Variants in CCDC171 observed in about 807,000 individuals in gnomAD.
CCDC171 encodes coiled-coil domain-containing protein 171.
In CCDC171, 177 loss-of-function variants were observed where a neutral mutation model predicts 168.2. The ratio of observed to expected loss-of-function variants is 1.05; its 90% confidence interval spans 0.93 to 1.19. CCDC171 has a LOEUF of 1.19. Ranked by LOEUF, CCDC171 falls within the 50% of genes most tolerant of loss-of-function variation. CCDC171 has a pLI of 0.00. For missense variants in CCDC171, 1,991 were observed against 1,539.0 expected (o/e 1.29, Z -4.91); for synonymous variants, 687 against 540.8 (o/e 1.27, Z -3.75).
At chr9:16,062,044 T>A (rs1490663112), downstream of CCDC171, among the ~76,000 whole-genome samples, 1 of 152,178 alleles carries the variant, frequency 6.6e-6, no homozygotes, top group Non-Finnish European at 1.5e-5. Context: ...TTCACTGTCT[T>A]CATTTTAACA....
intron 23 of CCDC171, among the ~76,000 whole-genome samples, chr9:15,871,607 A>G (rs949507820): frequency 6.6e-6 from 1 of 152,002 alleles, no homozygotes; most frequent in East Asian, 1.9e-4. Context: ...GAAATTCCAA[A>G]TTATCTCTCT....
At chr9:16,011,868 A>T (rs1433521474) in intron 3 of CCDC171, among the ~76,000 whole-genome samples, 2 of 152,218 alleles carry the variant, frequency 1.3e-5, no homozygotes, top group African/African-American at 4.8e-5. Context: ...CCTGCTCATC[A>T]GTCAGAAGAT....
chr9:15,615,064 T>C (rs2043983173), intron 6 of CCDC171, among the ~76,000 whole-genome samples: 1 of 152,144 alleles, frequency 6.6e-6, no homozygotes, highest in South Asian at 2.1e-4. Flanking sequence ...CTGACAAGGA[T>C]AGAAGAAAAG....
intron 18 of CCDC171, among the ~76,000 whole-genome samples, chr9:15,746,247 G>A (rs2055269456): frequency 6.6e-6 from 1 of 152,130 alleles, no homozygotes; most frequent in South Asian, 2.1e-4. Context: ...CACATTAATT[G>A]TTAAAATTGT....
chr9:15,955,825 A>G (rs1191667561), intron 25 of CCDC171, among the ~76,000 whole-genome samples: 2 of 152,164 alleles, frequency 1.3e-5, no homozygotes, highest in African/African-American at 4.8e-5. Flanking sequence ...TCAGGGACTT[A>G]TAGCTTTAGT....
chr9:15,955,769 C>G (rs945714019), intron 25 of CCDC171, among the ~76,000 whole-genome samples: 10 of 152,064 alleles, frequency 6.6e-5, no homozygotes, highest in Admixed American at 5.9e-4. Context: ...CCTTGCTGCA[C>G]TATATTATAT....
intron 2 of CCDC171, among the ~76,000 whole-genome samples, chr9:15,569,252 T>A (rs2040005018): frequency 6.6e-6 from 1 of 152,156 alleles, no homozygotes; most frequent in South Asian, 2.1e-4. Context: ...GTGCAGTGGT[T>A]AAGAGGATAT....
chr9:16,090,187 T>C, the CCDC171 span, among the ~76,000 whole-genome samples: 1 of 152,138 alleles, frequency 6.6e-6, no homozygotes. Context: ...CCATCAATGA[T>C]AGAATGGATA....
intron 21 of CCDC171, among the ~76,000 whole-genome samples, chr9:15,800,243 A>G (rs2058755015): frequency 6.6e-6 from 1 of 152,058 alleles, no homozygotes; most frequent in African/African-American, 2.4e-5. Context: ...ACAGCATACA[A>G]AGGTTCTTTT....
chr9:15,771,728 G>C lies in CCDC171; in HGVS notation c.2672-5872G>C, dbSNP rs142011747. On this transcript the variant is annotated intron_variant, in intron 18 of 25. Coordinates refer to ENST00000380701, the MANE Select transcript of CCDC171 (RefSeq NM_173550.4). ...TCAAGGTAGTATTGCTCATATTTTA[G>C]TAGAATACTTTCGATACATTAAATC... Among the ~76,000 whole-genome samples, 405 of 152,194 alleles carry C rather than the reference G, an allele frequency of 2.7e-3. 2 individuals carry two copies. Among genetic ancestry groups the C allele is most frequent in the African/African-American group, 9.1e-3 (379 of 41,514 alleles).
chr9:15,627,013 T>C (rs1212236628), intron 7 of CCDC171, among the ~76,000 whole-genome samples: 1 of 152,136 alleles, frequency 6.6e-6, no homozygotes, highest in Non-Finnish European at 1.5e-5. Context: ...TGGTCTATTT[T>C]GGGATTCAAC....
At chr9:15,974,874 T>A (rs996940755), downstream of CCDC171, among the ~76,000 whole-genome samples, 1 of 152,170 alleles carries the variant, frequency 6.6e-6, no homozygotes, top group Non-Finnish European at 1.5e-5. Flanking sequence ...CATTTACCAG[T>A]TGTCTGAATT....
intron 25 of CCDC171, among the ~76,000 whole-genome samples, chr9:15,955,102 T>A (rs930562003): frequency 3.3e-5 from 5 of 152,152 alleles, no homozygotes; most frequent in African/African-American, 1.2e-4. Flanking sequence ...TCTGATTTTT[T>A]AAAAAATTGC....
intron 21 of CCDC171, among the ~76,000 whole-genome samples, chr9:15,825,991 C>T (rs1588708283): frequency 6.6e-6 from 1 of 152,036 alleles, no homozygotes; most frequent in African/African-American, 2.4e-5. Context: ...TCTGGAACAT[C>T]TGTTAGTCTG....
intron 16 of CCDC171, among the ~76,000 whole-genome samples, chr9:15,743,138 CTTTTTTTTTTTTTTTTTTTTTTTTTTTT>C (rs66642691): frequency 2.7e-5 from 2 of 73,268 alleles, no homozygotes; most frequent in Admixed American, 1.8e-4. Context: ...CTGTTACCTT[CTTTTTTTTTTTTTTTTTTTTTTTTTTTT>C]TTTTTTTTTT....
At chr9:16,004,040 A>G (rs1160984155) in intron 3 of CCDC171, among the ~76,000 whole-genome samples, 1 of 152,170 alleles carries the variant, frequency 6.6e-6, no homozygotes, top group African/African-American at 2.4e-5. Flanking sequence ...ATGCAGCCCC[A>G]GAAATCAATT....
At chr9:15,790,119 A>G (rs1330664937) in intron 21 of CCDC171, among the ~76,000 whole-genome samples, 3 of 152,168 alleles carry the variant, frequency 2.0e-5, no homozygotes, top group Admixed American at 6.5e-5. Context: ...ATACCCAGTA[A>G]TGGGACGGCT....
chr9:15,623,415 T>C lies in CCDC171; in HGVS notation c.822+2T>C. On this transcript the variant is annotated splice_donor_variant, in intron 7 of 25. Transcript: ENST00000380701. LOFTEE classifies it high-confidence loss of function. ...GAACGCCTTAGAAAAGAATTTGAGG[T>C]ACATTTTCTCATTCCTTTATAATAT... 6.3e-7 allele frequency: 1 copy of C among 1,598,710 alleles called. No homozygotes were observed. The highest frequency in any genetic ancestry group is 8.5e-7 in the Non-Finnish European group (1 of 1,172,796).
intron 6 of CCDC171, among the ~76,000 whole-genome samples, chr9:15,617,419 C>T (rs930565189): frequency 6.6e-6 from 1 of 151,004 alleles, no homozygotes; most frequent in Non-Finnish European, 1.5e-5. Flanking sequence ...CGCTGTCACC[C>T]AGGCTGGAAT....
Sources: allele counts gnomAD v4.1 joint callset (sites outside exome capture counted in the v4.1 genomes callset), GRCh38; gene constraint gnomAD v4.1.1; transcripts MANE v1.5; gene names NCBI Gene and HGNC (gene_info 2026-07-23, HGNC 2026-07-21).